AKR1C2: variants seen among roughly 807,000 people sequenced by gnomAD.
AKR1C2 encodes aldo-keto reductase family 1 member C2.
A neutral mutation model predicts 39.8 loss-of-function variants in AKR1C2; 27 were observed. The observed-to-expected ratio is 0.68, with a 90% CI of 0.50 to 0.93. The LOEUF is 0.93. Among genes scored for constraint, AKR1C2 ranks in the 40% least tolerant of loss-of-function variants. The pLI is 0.00. For missense variants in AKR1C2, 263 were observed against 365.1 expected, an observed-to-expected ratio of 0.72 and a Z score of 2.28; for synonymous variants, 114 against 137.9, an observed-to-expected ratio of 0.83 and a Z score of 1.22.
In AKR1C2 at chr10:5,003,768, G is replaced by A. The variant is rs149358453; in HGVS notation, c.68C>T (p.Thr23Ile). 208 of 1,613,956 alleles carry A rather than the reference G, an allele frequency of 1.3e-4. No individual in the cohort carries two copies. The African/African-American group carries it at 2.5e-3, about 19-fold the overall frequency. The change falls in exon 1 of 9, where the codon ACC (threonine) becomes ATC (isoleucine). Residue 23 changes from threonine to isoleucine, a missense_variant. Thr to Ile is a moderately conservative substitution (Grantham distance 89). This residue lies in a region of AKR1C2 where 247 missense variants were observed against 267.9 expected (regional missense o/e 0.92). Transcript: ENST00000380753. ...GHFMPVLGFG[T>I]YAPAEVPKSK... is the part of the protein sequence containing the mutation. ...TATTGTTACCTCTGCAGGCGCATAG[G>A]TGCCAAATCCCAGGACAGGCATGAA...
At chr10:4,994,355 C>T (rs1836956661) in intron 7 of AKR1C2, among the ~76,000 whole-genome samples, 1 of 152,016 alleles carries the variant, frequency 6.6e-6, no homozygotes, top group African/African-American at 2.4e-5. Flanking sequence ...GGAACATGCC[C>T]TCTAACAATC....
At chr10:5,016,475 A>C (rs111295354) in intron 1 of AKR1C2, among the ~76,000 whole-genome samples, 5 of 152,192 alleles carry the variant, frequency 3.3e-5, no homozygotes, top group Admixed American at 6.5e-5. Flanking sequence ...AATAATCTCT[A>C]TTGACTCCAT....
At position 5,001,669 on chromosome 10, in the gene AKR1C2, T is replaced by G; in HGVS notation, c.97A>C (p.Lys33Gln). 6.2e-7 allele frequency: 1 copy of G among 1,613,820 alleles called. No individual in the cohort carries two copies. The highest frequency in any genetic ancestry group is 8.5e-7 in the Non-Finnish European group (1 of 1,179,778). ...TYAPAEVPKS[K>Q]ALEAVKLAIE... ...GCCAATTTGACGGCCTCTAGAGCTTTACTTTTAGGAACCTGGGGGAGCAAC... is the reference window on the plus strand; with the variant it reads ...GCCAATTTGACGGCCTCTAGAGCTTGACTTTTAGGAACCTGGGGGAGCAAC... The change falls in exon 2 of 9, where the codon AAA becomes CAA. Residue 33 changes from lysine to glutamine, a missense_variant. Lys to Gln is a moderately conservative substitution (Grantham distance 53). Transcript: ENST00000380753.
chr10:5,000,329 G>T, intron 3 of AKR1C2: 2 of 1,517,128 alleles, frequency 1.3e-6, no homozygotes, highest in Non-Finnish European at 8.8e-7. Context: ...GAGGCTTTGA[G>T]GATTCTGCAC....
upstream of AKR1C2, among the ~76,000 whole-genome samples, chr10:5,005,190 G>C (rs144040721): frequency 5.5e-4 from 83 of 152,164 alleles, no homozygotes; most frequent in African/African-American, 1.9e-3. Flanking sequence ...TGGTTATTTG[G>C]GGAAATATAA....
intron 2 of AKR1C2, 53 bp downstream of exon 2, chr10:5,001,461 C>T (rs1178374493): frequency 3.8e-6 from 6 of 1,574,878 alleles, no homozygotes; most frequent in South Asian, 2.4e-5. Context: ...ACTGCCACCT[C>T]CACACAATCA....
intron 5 of AKR1C2, among the ~76,000 whole-genome samples, chr10:4,996,742 T>C (rs564992213): frequency 2.6e-4 from 40 of 152,030 alleles, no homozygotes; most frequent in East Asian, 9.7e-4. Context: ...GGAAGAAGTT[T>C]ACCTTTACTC....
chr10:4,998,681 G>T lies in AKR1C2; in HGVS notation c.514C>A (p.Leu172Met). 1.2e-6 allele frequency: 2 copies of T among 1,614,182 alleles called. No homozygotes were observed. The highest frequency in any genetic ancestry group is 8.5e-7 in the Non-Finnish European group (1 of 1,180,038). Reference protein sequence around the residue: ...SIGVSNFNHRLLEMILNKPGL... With the variant: ...SIGVSNFNHRMLEMILNKPGL... ...GGCTTGTTGAGGATCATCTCCAGCA[G>T]CCTGTGGTTGAAGTTGGACACCCCG... Residue 172 changes from leucine (L) to methionine (M), a missense_variant, in exon 5 of 9, where the codon CTG (leucine) becomes ATG (methionine). Around this residue, in one of 3 missense-constraint regions of AKR1C2, gnomAD observed 247 missense variants for 267.9 expected, o/e 0.92. Transcript: ENST00000380753.
intron 8 of AKR1C2, among the ~76,000 whole-genome samples, chr10:4,990,706 C>A (rs1554772090): frequency 6.6e-6 from 1 of 152,032 alleles, no homozygotes; most frequent in African/African-American, 2.4e-5. Context: ...TGAGCCTATC[C>A]TTTGTGATTA....
intron 1 of AKR1C2, chr10:5,013,749 T>G (rs7069541): frequency 6.6e-6 from 1 of 152,192 alleles, no homozygotes; most frequent in African/African-American, 2.4e-5. Context: ...TTAAAACATA[T>G]AGTTTATTAG....
upstream of AKR1C2, chr10:5,007,458 C>CA (rs1310218408): frequency 2.6e-5 from 4 of 151,956 alleles, no homozygotes; most frequent in African/African-American, 9.7e-5. Context: ...ACATTGATTT[C>CA]AGAGTGGATG....
At chr10:5,017,125 G>A (rs1265885091) in intron 1 of AKR1C2, among the ~76,000 whole-genome samples, 6 of 152,194 alleles carry the variant, frequency 3.9e-5, no homozygotes, top group Non-Finnish European at 8.8e-5. Context: ...GAAGGTCTCT[G>A]AAATACCTTG....
chr10:5,001,587 T>G lies in AKR1C2; in HGVS notation c.179A>C (p.Gln60Pro), dbSNP rs1488319063. ...CTTGCTTCGGATGGCCAGTCCAACC[T>G]GCTCCTCATTATTGTAAACATGTGC... ...DSAHVYNNEE[Q>P]VGLAIRSKIA... Residue 60 changes from glutamine (Q) to proline (P), a missense_variant, in exon 2 of 9, where the codon CAG becomes CCG. Gln to Pro is a moderately conservative substitution (Grantham distance 76). Transcript: ENST00000380753. The G allele has an allele frequency of 4.3e-6, 7 of 1,613,912 alleles. No homozygotes were observed. The highest frequency in any genetic ancestry group is 5.9e-6 in the Non-Finnish European group (7 of 1,179,914).
At chr10:5,002,594 T>A (rs1467055359) in intron 1 of AKR1C2, among the ~76,000 whole-genome samples, 1 of 152,202 alleles carries the variant, frequency 6.6e-6, no homozygotes, top group African/African-American at 2.4e-5. Context: ...AGGAAACATA[T>A]GATTGCAGTA....
chr10:4,998,989 C>A (rs1244536782), intron 4 of AKR1C2, among the ~76,000 whole-genome samples: 2 of 152,152 alleles, frequency 1.3e-5, no homozygotes, highest in East Asian at 3.8e-4. Flanking sequence ...GGAAAGAAAT[C>A]CCAGTCCTCC....
upstream of AKR1C2, among the ~76,000 whole-genome samples, chr10:5,004,542 T>G (rs371055496): frequency 2.5e-3 from 384 of 152,340 alleles, 3 homozygotes; most frequent in African/African-American, 8.7e-3. Flanking sequence ...GGATATAATT[T>G]GTAACATGCA....
At chr10:4,996,756 C>T (rs1314478873) in intron 5 of AKR1C2, among the ~76,000 whole-genome samples, 3 of 151,748 alleles carry the variant, frequency 2.0e-5, no homozygotes, top group Admixed American at 6.6e-5. Context: ...TTTACTCTCA[C>T]TTAGAGGAAT....
intron 5 of AKR1C2, among the ~76,000 whole-genome samples, chr10:4,997,775 T>C (rs532256240): frequency 8.5e-5 from 13 of 152,338 alleles, no homozygotes; most frequent in African/African-American, 3.1e-4. Flanking sequence ...AAAATGTAAG[T>C]TACTGGGAAA....
chr10:5,016,651 C>T (rs1340349386), intron 1 of AKR1C2, among the ~76,000 whole-genome samples: 1 of 152,148 alleles, frequency 6.6e-6, no homozygotes, highest in African/African-American at 2.4e-5. Flanking sequence ...GTGGATATAC[C>T]ATTCTGGGTT....
Sources: allele counts gnomAD v4.1 joint callset (sites outside exome capture counted in the v4.1 genomes callset), GRCh38; gene constraint gnomAD v4.1.1; regional missense constraint gnomAD v4.1.1; transcripts MANE v1.5; gene names NCBI Gene and HGNC (gene_info 2026-07-23, HGNC 2026-07-21).